Variants in SORL1 observed in about 807,000 individuals in gnomAD.
The protein encoded by SORL1 is sortilin-related receptor.
A neutral mutation model predicts 273.7 loss-of-function variants in SORL1; 127 were observed. The observed-to-expected ratio is 0.46, with a 90% CI of 0.40 to 0.54. The LOEUF (loss-of-function observed/expected upper bound fraction) is 0.54. SORL1 is among the 20% of genes least tolerant of loss of function. The pLI, the probability that SORL1 is intolerant of heterozygous loss-of-function variation, is 0.00. For synonymous variants in SORL1, 1,031 were observed against 1,067.4 expected (o/e 0.97, Z 0.66); for missense variants, 2,494 against 2,846.1 (o/e 0.88, Z 2.81).
intron 3 of SORL1, among the ~76,000 whole-genome samples, chr11:121,485,963 A>T (rs933898021): frequency 6.6e-6 from 1 of 152,178 alleles, no homozygotes; most frequent in African/African-American, 2.4e-5. Context: ...TGGGAAGTTT[A>T]TGGTCTGGAT....
intron 45 of SORL1, among the ~76,000 whole-genome samples, chr11:121,623,033 A>C (rs1196677712): frequency 6.6e-6 from 1 of 152,240 alleles, no homozygotes. Context: ...GAAAATTCTC[A>C]CCACACACTC....
chr11:121,467,684 G>C (rs1044668426), intron 1 of SORL1, among the ~76,000 whole-genome samples: 1 of 152,222 alleles, frequency 6.6e-6, no homozygotes, highest in South Asian at 2.1e-4. Flanking sequence ...GTGAGTTTCT[G>C]ATCTCCAGAT....
chr11:121,616,156 A>G (rs1863636263), intron 41 of SORL1, among the ~76,000 whole-genome samples: 1 of 152,172 alleles, frequency 6.6e-6, no homozygotes, highest in Non-Finnish European at 1.5e-5. Context: ...TGACCGCCTC[A>G]TCACCCCCAA....
chr11:121,458,820 C>T (rs1167812674), intron 1 of SORL1, among the ~76,000 whole-genome samples: 1 of 152,190 alleles, frequency 6.6e-6, no homozygotes, highest in Non-Finnish European at 1.5e-5. Flanking sequence ...GAGTTTCCTC[C>T]TGTGTTATTG....
At chr11:121,522,745 G>A (rs535325228) in intron 10 of SORL1, 42 bp downstream of exon 10, 7 of 1,525,460 alleles carry the variant, frequency 4.6e-6, no homozygotes, top group East Asian at 4.5e-5. Flanking sequence ...TCAGCTGTCT[G>A]GTGATGTGCA....
intron 5 of SORL1, among the ~76,000 whole-genome samples, chr11:121,495,451 A>G (rs1861615338): frequency 6.6e-6 from 1 of 152,052 alleles, no homozygotes; most frequent in Non-Finnish European, 1.5e-5. Context: ...GGTGGGGGGA[A>G]TATGCTCTTG....
At chr11:121,499,259 G>A (rs1861676643) in intron 6 of SORL1, among the ~76,000 whole-genome samples, 1 of 152,078 alleles carries the variant, frequency 6.6e-6, no homozygotes, top group Non-Finnish European at 1.5e-5. Flanking sequence ...TTGTAGTTAT[G>A]AGCTGGCTCC....
intron 8 of SORL1, among the ~76,000 whole-genome samples, chr11:121,519,177 A>T (rs1163740348): frequency 1.3e-5 from 2 of 151,652 alleles, no homozygotes; most frequent in African/African-American, 4.8e-5. Context: ...CGATCTCTTG[A>T]CCTTGTGATC....
chr11:121,607,962 T>G, intron 37 of SORL1, 142 bp from the exon 38 acceptor site: 1 of 631,140 alleles, frequency 1.6e-6, no homozygotes, highest in Non-Finnish European at 2.7e-6. Flanking sequence ...CTGGGGCCTC[T>G]GAATATTCTG....
chr11:121,569,079 G>A (rs1591331220), intron 22 of SORL1, among the ~76,000 whole-genome samples: 2 of 152,206 alleles, frequency 1.3e-5, no homozygotes, highest in Admixed American at 1.3e-4. Flanking sequence ...TCTTATGCCT[G>A]TCTTTACTGC....
intron 8 of SORL1, among the ~76,000 whole-genome samples, chr11:121,519,342 C>T (rs1431275218): frequency 6.6e-6 from 1 of 152,084 alleles, no homozygotes; most frequent in African/African-American, 2.4e-5. Flanking sequence ...CGCAAAACCA[C>T]TTCCCTGTGG....
rs763792828 is a variant in SORL1, at chr11:121,570,268, G to T, written c.3335G>T (p.Cys1112Phe). The change falls in exon 23 of 48, where the codon TGC becomes TTC. Residue 1112 changes from cysteine to phenylalanine, a missense_variant and splice_region_variant. Cys to Phe is a radical substitution (Grantham distance 205). Coordinates refer to ENST00000260197, the MANE Select transcript of SORL1 (RefSeq NM_003105.6). ...DCGDMSDERN[C>F]PTTICDLDTQ... ...GGAGACATGAGCGATGAGAGAAACT[G>T]CCGTGAGTCTTCTGGATTGGACGTT... The T allele has an allele frequency of 6.2e-7, 1 of 1,608,176 alleles. No homozygotes were observed. Among genetic ancestry groups the T allele is most frequent in the South Asian group, 1.1e-5 (1 of 90,936 alleles).
intron 8 of SORL1, among the ~76,000 whole-genome samples, chr11:121,517,419 C>T (rs1028726287): frequency 6.6e-6 from 1 of 152,206 alleles, no homozygotes; most frequent in African/African-American, 2.4e-5. Context: ...ATCAGTGCCT[C>T]ATTCATTTTA....
intron 6 of SORL1, among the ~76,000 whole-genome samples, chr11:121,505,415 A>G (rs1861773509): frequency 1.3e-5 from 2 of 151,642 alleles, no homozygotes; most frequent in Non-Finnish European, 2.9e-5. Context: ...TTGTTTGAGT[A>G]ATTTTCTTTA....
Position 121,514,149 on chromosome 11 carries a change from A to G in SORL1, c.1042-3A>G. 6.2e-7 allele frequency: 1 copy of G among 1,609,580 alleles called. No individual in the cohort carries two copies. ...GTATCTTTTTTGACTTTTGATTCCAAAGGAATATTACATCGCAGATGCCTC... is the reference window on the plus strand; with the variant it reads ...GTATCTTTTTTGACTTTTGATTCCAGAGGAATATTACATCGCAGATGCCTC... On this transcript the variant is annotated splice_polypyrimidine_tract_variant and splice_region_variant and intron_variant, in intron 7 of 47. Coordinates refer to ENST00000260197, the MANE Select transcript of SORL1 (RefSeq NM_003105.6).
Position 121,595,351 on chromosome 11 carries a change from G to A in SORL1, c.4370-272G>A, listed in dbSNP as rs1863276806. The stretch of plus-strand genomic sequence containing the variant: ...CCTCTTTAGTCACATACCGCTATCT[G>A]TCTTCTTTCCAGCTCCCAAATCTCA... On this transcript the variant is annotated intron_variant, in intron 31 of 47. Transcript: ENST00000260197. This position sits in a 1 kb window ranked among gnomAD's most constrained non-coding sequence, Gnocchi z 5.1. Among the ~76,000 whole-genome samples the A allele has an allele frequency of 6.6e-6, 1 of 152,180 alleles. No individual in the cohort carries two copies. The highest frequency in any genetic ancestry group is 2.4e-5 in the African/African-American group (1 of 41,462).
chr11:121,576,811 T>A (rs920172128), intron 24 of SORL1: 8 of 1,525,134 alleles, frequency 5.2e-6, no homozygotes, highest in Non-Finnish European at 4.4e-6. Context: ...AGCACTGATT[T>A]TACTCTCTCT....
intron 11 of SORL1, among the ~76,000 whole-genome samples, chr11:121,530,154 C>G (rs899082599): frequency 1.3e-5 from 2 of 152,198 alleles, no homozygotes; most frequent in African/African-American, 4.8e-5. Flanking sequence ...ACAAAACCCA[C>G]AAAGCAGTGT....
intron 3 of SORL1, among the ~76,000 whole-genome samples, chr11:121,484,146 G>A (rs1453477321): frequency 6.6e-6 from 1 of 152,206 alleles, no homozygotes; most frequent in East Asian, 1.9e-4. Context: ...AGCTAGGAAA[G>A]AATATTTGAG....
Sources: allele counts gnomAD v4.1 joint callset (sites outside exome capture counted in the v4.1 genomes callset), GRCh38; gene constraint gnomAD v4.1.1; non-coding constraint Gnocchi (gnomAD v3.1); transcripts MANE v1.5; gene names NCBI Gene and HGNC (gene_info 2026-07-23, HGNC 2026-07-21).